Variants in MECOM observed in about 807,000 individuals in gnomAD.
The protein encoded by MECOM is histone-lysine N-methyltransferase MECOM.
A neutral mutation model predicts 116.3 loss-of-function variants in MECOM; 13 were observed. The ratio of observed to expected loss-of-function variants is 0.11; its 90% CI spans 0.07 to 0.18. MECOM has a LOEUF of 0.18. Ranked by LOEUF, MECOM falls within the 10% of genes least tolerant of loss-of-function variation. The pLI, the probability that MECOM is intolerant of heterozygous loss-of-function variation, is 1.00. For missense variants in MECOM, 1,299 were observed against 1,509.0 expected, an observed-to-expected ratio of 0.86 and a Z score of 2.31; for synonymous variants, 528 against 535.2, an observed-to-expected ratio of 0.99 and a Z score of 0.19.
intron 1 of MECOM, among the ~76,000 whole-genome samples, chr3:169,646,344 A>C (rs1295133166): frequency 6.6e-6 from 1 of 151,460 alleles, no homozygotes; most frequent in Non-Finnish European, 1.5e-5. Context: ...GGATAGCATT[A>C]GGAGACATAC....
intron 1 of MECOM, among the ~76,000 whole-genome samples, chr3:169,509,250 T>G (rs1440077178): frequency 6.6e-6 from 1 of 152,192 alleles, no homozygotes. Context: ...TTCCCTGATG[T>G]GATGATTGAT....
Position 169,483,693 on chromosome 3 carries a change from T to G in MECOM, c.38-102169A>C. On this transcript the variant is annotated intron_variant, in intron 1 of 16. Transcript: ENST00000651503. ...AATTTAATCCTCGTCTTCCTCCTCT[T>G]CTTCGTCCTGGTTAATCTGGAAGTA... The G allele has an allele frequency of 3.2e-6, 5 of 1,578,798 alleles. No homozygotes were observed. In the South Asian group the frequency reaches 5.6e-5, roughly 18 times the overall value.
intron 1 of MECOM, among the ~76,000 whole-genome samples, chr3:169,646,660 T>A (rs908051647): frequency 2.6e-5 from 4 of 151,764 alleles, no homozygotes; most frequent in Non-Finnish European, 5.9e-5. Context: ...AAAAAAAAAA[T>A]TAGAAAGTTG....
chr3:169,275,017 C>A (rs886515073), intron 2 of MECOM, among the ~76,000 whole-genome samples: 12 of 152,184 alleles, frequency 7.9e-5, no homozygotes, highest in African/African-American at 2.9e-4. Context: ...GGGAAAAAAT[C>A]TCTTCCAGAA....
chr3:169,430,309 C>G (rs1385224055), intron 1 of MECOM, among the ~76,000 whole-genome samples: 3 of 152,134 alleles, frequency 2.0e-5, no homozygotes, highest in Non-Finnish European at 2.9e-5. Flanking sequence ...AATGTAACCA[C>G]ACTCTATATT....
chr3:169,098,954 C>G (rs1203495546), intron 12 of MECOM, among the ~76,000 whole-genome samples: 3 of 152,168 alleles, frequency 2.0e-5, no homozygotes, highest in African/African-American at 7.2e-5. Flanking sequence ...TAAACCAACA[C>G]TGATACATTA....
chr3:169,433,964 AG>A (rs942935136), intron 1 of MECOM, among the ~76,000 whole-genome samples: 40 of 152,308 alleles, frequency 2.6e-4, no homozygotes, highest in African/African-American at 8.9e-4. Flanking sequence ...GGGAAAAAAA[AG>A]GGTTTATTCT....
chr3:169,614,832 T>C (rs1273146545), intron 1 of MECOM: 2 of 152,246 alleles, frequency 1.3e-5, no homozygotes, highest in African/African-American at 4.8e-5. Flanking sequence ...AGTTAAGCTC[T>C]GCACACCTCT....
intron 2 of MECOM, among the ~76,000 whole-genome samples, chr3:169,306,154 G>A (rs1318854549): frequency 1.3e-5 from 2 of 151,856 alleles, no homozygotes; most frequent in African/African-American, 2.4e-5. Context: ...AAGCATTATC[G>A]AGGTAATAAA....
intron 13 of MECOM, among the ~76,000 whole-genome samples, chr3:169,093,747 G>T (rs906766659): frequency 6.6e-6 from 1 of 152,120 alleles, no homozygotes; most frequent in African/African-American, 2.4e-5. Context: ...TTGGTGTAAG[G>T]CTTACATAAA....
chr3:169,168,203 T>C (rs1743893782), intron 2 of MECOM, among the ~76,000 whole-genome samples: 3 of 152,072 alleles, frequency 2.0e-5, no homozygotes, highest in Admixed American at 2.0e-4. Flanking sequence ...CTGTTTTTTG[T>C]TGTGTTTTTT....
chr3:169,342,891 G>T lies in MECOM; in HGVS notation c.375+38296C>A, dbSNP rs185471016. ...CAGGAAGTGGGGATTCGTCCAGCCA[G>T]CTGATGCCAGGGGAGGATGATTTAT... On this transcript the variant is annotated intron_variant, in intron 2 of 16. Coordinates refer to ENST00000651503, the MANE Select transcript of MECOM (RefSeq NM_004991.4). 3.3e-5 allele frequency among the ~76,000 whole-genome samples: 5 copies of T among 152,300 alleles called. No homozygotes were observed. In the East Asian group the frequency reaches 9.6e-4, roughly 29 times the overall value.
chr3:169,493,518 A>G (rs1753383164), intron 1 of MECOM, among the ~76,000 whole-genome samples: 1 of 151,988 alleles, frequency 6.6e-6, no homozygotes, highest in South Asian at 2.1e-4. Context: ...ACATACATAT[A>G]TATGTATGTA....
chr3:169,609,511 C>T (rs1458880666), intron 1 of MECOM, among the ~76,000 whole-genome samples: 1 of 151,188 alleles, frequency 6.6e-6, no homozygotes. Flanking sequence ...TTCCAAATTA[C>T]ATACCAAAGT....
chr3:169,158,278 G>C (rs963642639), intron 2 of MECOM, among the ~76,000 whole-genome samples: 1 of 152,068 alleles, frequency 6.6e-6, no homozygotes, highest in Non-Finnish European at 1.5e-5. Context: ...ATTTCAAGAA[G>C]GTCATTATAA....
chr3:169,499,216 G>A (rs1047408729), intron 1 of MECOM, among the ~76,000 whole-genome samples: 1 of 151,124 alleles, frequency 6.6e-6, no homozygotes, highest in African/African-American at 2.4e-5. Flanking sequence ...AAAGACATGA[G>A]CACTAGAAAC....
intron 2 of MECOM, among the ~76,000 whole-genome samples, chr3:169,235,802 T>C (rs1753978096): frequency 1.3e-5 from 2 of 151,916 alleles, no homozygotes; most frequent in Non-Finnish European, 2.9e-5. Context: ...TTCATTCTCT[T>C]AGTTCCCCAA....
At chr3:169,192,304 C>A (rs1747810954) in intron 2 of MECOM, among the ~76,000 whole-genome samples, 2 of 152,000 alleles carry the variant, frequency 1.3e-5, no homozygotes, top group Admixed American at 1.3e-4. Flanking sequence ...CAATTCAAGG[C>A]AGTGATACAC....
intron 1 of MECOM, among the ~76,000 whole-genome samples, chr3:169,526,616 CTTATA>C (rs1351507996): frequency 6.6e-6 from 1 of 152,064 alleles, no homozygotes; most frequent in African/African-American, 2.4e-5. Flanking sequence ...GCACAGCCTG[CTTATA>C]TTATTCTCAT....
Sources: allele counts gnomAD v4.1 joint callset (sites outside exome capture counted in the v4.1 genomes callset), GRCh38; gene constraint gnomAD v4.1.1; transcripts MANE v1.5; gene names NCBI Gene and HGNC (gene_info 2026-07-23, HGNC 2026-07-21).